Variants in CCDC122 observed in about 807,000 individuals in gnomAD.
CCDC122 encodes coiled-coil domain-containing protein 122.
A neutral mutation model predicts 37.0 loss-of-function variants in CCDC122; 38 were observed. That is an observed-to-expected ratio of 1.03 (90% CI 0.79 to 1.35). The LOEUF (loss-of-function observed/expected upper bound fraction) is 1.35, where lower values mean the gene tolerates loss of function less well. Ranked by LOEUF, CCDC122 falls within the 40% of genes most tolerant of loss-of-function variation. The probability of loss-of-function intolerance (pLI) is 0.00; values close to 1 mark genes in which losing one functional copy is unlikely to be tolerated. For synonymous variants in CCDC122, 83 were observed against 95.6 expected, an observed-to-expected ratio of 0.87 and a Z score of 0.77; for missense variants, 305 against 310.0, an observed-to-expected ratio of 0.98 and a Z score of 0.12.
chr13:43,820,209 A>G (rs1389826190), downstream of CCDC122, among the ~76,000 whole-genome samples: 2 of 152,206 alleles, frequency 1.3e-5, no homozygotes, highest in Non-Finnish European at 2.9e-5. Flanking sequence ...TTATAAGTCC[A>G]AAAATATTGT....
intron 1 of CCDC122, among the ~76,000 whole-genome samples, chr13:43,877,077 A>C (rs950553125): frequency 6.6e-6 from 1 of 152,234 alleles, no homozygotes; most frequent in Non-Finnish European, 1.5e-5. Context: ...ACTGTACTAC[A>C]GCCTGGCGAC....
At chr13:43,833,008 G>T (rs140595874), downstream of CCDC122, among the ~76,000 whole-genome samples, 1 of 152,234 alleles carries the variant, frequency 6.6e-6, no homozygotes, top group Non-Finnish European at 1.5e-5. Flanking sequence ...TTAATCAATT[G>T]ACTGGAAGAC....
chr13:43,837,840 C>T (rs1027478929), intron 6 of CCDC122, among the ~76,000 whole-genome samples: 2 of 151,966 alleles, frequency 1.3e-5, no homozygotes, highest in Admixed American at 6.5e-5. Flanking sequence ...CTAAATTTGC[C>T]CTGGGGGACT....
chr13:43,819,235 T>C (rs1301267346), downstream of CCDC122, among the ~76,000 whole-genome samples: 4 of 152,144 alleles, frequency 2.6e-5, no homozygotes, highest in African/African-American at 9.7e-5. Flanking sequence ...ATTGTTGGTG[T>C]GATTATAAAA....
chr13:43,854,905 A>G (rs895913078), intron 6 of CCDC122: 1 of 152,122 alleles, frequency 6.6e-6, no homozygotes, highest in Non-Finnish European at 1.5e-5. Flanking sequence ...TGCAGAAAAG[A>G]CTGTCGATAC....
chr13:43,869,383 T>C lies in CCDC122; in HGVS notation c.-7A>G. On this transcript the variant is annotated 5_prime_UTR_variant, in exon 3 of 7. Transcript: ENST00000444614. Reference sequence around the variant, plus strand: ...TTTCTTTGTTGTCTGACATTTTCTGTGTCTGTAATCTCTTTTCCCCTTTTT... The same window carrying C: ...TTTCTTTGTTGTCTGACATTTTCTGCGTCTGTAATCTCTTTTCCCCTTTTT... The C allele has an allele frequency of 2.5e-6, 4 of 1,606,542 alleles. No homozygotes were observed. The highest frequency in any genetic ancestry group is 2.6e-6 in the Non-Finnish European group (3 of 1,174,900).
chr13:43,851,979 G>C (rs1164987285), intron 6 of CCDC122, among the ~76,000 whole-genome samples: 1 of 151,878 alleles, frequency 6.6e-6, no homozygotes, highest in South Asian at 2.1e-4. Context: ...AAGGTCAGCA[G>C]CTCAGATTGA....
intron 6 of CCDC122, among the ~76,000 whole-genome samples, chr13:43,838,762 T>C (rs1022576450): frequency 6.6e-6 from 1 of 152,166 alleles, no homozygotes; most frequent in Non-Finnish European, 1.5e-5. Flanking sequence ...GTGGTGTTTC[T>C]AGGAAAGGTG....
At chr13:43,856,602 C>G (rs1378575331) in intron 6 of CCDC122, 1 of 168,184 alleles carries the variant, frequency 5.9e-6, no homozygotes, top group Non-Finnish European at 1.3e-5. Context: ...TGCACTCTAG[C>G]CTGGGCGATG....
At chr13:43,839,217 C>T (rs981344018) in intron 6 of CCDC122, among the ~76,000 whole-genome samples, 1 of 152,182 alleles carries the variant, frequency 6.6e-6, no homozygotes, top group African/African-American at 2.4e-5. Flanking sequence ...TTTTCACCAC[C>T]TGGTACCCAT....
At chr13:43,833,484 AC>A (rs112932849), downstream of CCDC122, among the ~76,000 whole-genome samples, 11 of 152,344 alleles carry the variant, frequency 7.2e-5, no homozygotes, top group African/African-American at 2.6e-4. Context: ...AGCACTGAGA[AC>A]CTTGGAAGAA....
intron 6 of CCDC122, among the ~76,000 whole-genome samples, chr13:43,849,709 GA>G (rs1299878184): frequency 6.6e-6 from 1 of 152,182 alleles, no homozygotes; most frequent in Non-Finnish European, 1.5e-5. Flanking sequence ...AAACACTACA[GA>G]AAAAACTATG....
intron 3 of CCDC122, among the ~76,000 whole-genome samples, chr13:43,826,572 C>T (rs576491440): frequency 6.6e-6 from 1 of 152,244 alleles, no homozygotes; most frequent in South Asian, 2.1e-4. Context: ...AGAAAATTTG[C>T]ACTCTCTAAG....
At chr13:43,858,950 A>G in intron 5 of CCDC122, 53 bp from the exon 6 acceptor site, 6 of 1,283,878 alleles carry the variant, frequency 4.7e-6, no homozygotes, top group Non-Finnish European at 6.2e-6. Context: ...TGATCAATAT[A>G]AATCCAATTT....
At chr13:43,870,955 C>T (rs752674744) in intron 2 of CCDC122, among the ~76,000 whole-genome samples, 1 of 152,064 alleles carries the variant, frequency 6.6e-6, no homozygotes, top group Non-Finnish European at 1.5e-5. Context: ...CAAGTTACCC[C>T]CTTCCCCACT....
At chr13:43,842,078 T>A (rs1478233157) in intron 6 of CCDC122, among the ~76,000 whole-genome samples, 1 of 22,014 alleles carries the variant, frequency 4.5e-5, no homozygotes, top group Non-Finnish European at 2.8e-4. Flanking sequence ...TATCAATATT[T>A]TTCACTATGG....
rs891331955 is a variant in CCDC122 at position 43,837,133 on chromosome 13, A to T, written c.*147T>A. ...ATTTTAACAAATCGATGACTGATTT[A>T]AAAAAAACAACAACCGAAGACATCT... On this transcript the variant is annotated 3_prime_UTR_variant, in exon 7 of 7. Coordinates refer to ENST00000444614, the MANE Select transcript of CCDC122 (RefSeq NM_144974.5). The T allele has an allele frequency of 2.4e-5, 18 of 736,146 alleles. No individual in the cohort carries two copies. Among genetic ancestry groups the T allele is most frequent in the East Asian group, 1.6e-4 (6 of 37,092 alleles). 45.6% of individuals were successfully genotyped at this position (736,146 alleles called of 1,614,324 possible).
At chr13:43,863,025 T>C (rs987112452) in intron 4 of CCDC122, among the ~76,000 whole-genome samples, 4 of 151,648 alleles carry the variant, frequency 2.6e-5, no homozygotes, top group African/African-American at 7.3e-5. Context: ...CTTACAGCTT[T>C]ATCGAAGCAA....
intron 6 of CCDC122, among the ~76,000 whole-genome samples, chr13:43,838,842 A>G (rs899086271): frequency 1.3e-5 from 2 of 152,216 alleles, no homozygotes; most frequent in Non-Finnish European, 2.9e-5. Context: ...TGCAGGCACA[A>G]TGAGAAATCA....
Sources: allele counts gnomAD v4.1 joint callset (sites outside exome capture counted in the v4.1 genomes callset), GRCh38; gene constraint gnomAD v4.1.1; transcripts MANE v1.5; gene names NCBI Gene and HGNC (gene_info 2026-07-23, HGNC 2026-07-21).